ZMYND8: variants seen among roughly 807,000 people sequenced by gnomAD.
ZMYND8 encodes MYND-type zinc finger-containing chromatin reader ZMYND8.
A neutral mutation model predicts 140.8 loss-of-function variants in ZMYND8; 37 were observed. The observed-to-expected ratio is 0.26, with a 90% CI of 0.20 to 0.35. ZMYND8 has a LOEUF of 0.35. Ranked by LOEUF, ZMYND8 falls within the 10% of genes least tolerant of loss-of-function variation. ZMYND8 has a pLI of 1.00. For missense variants in ZMYND8, 1,068 were observed against 1,570.0 expected (o/e 0.68, Z 5.40); for synonymous variants, 592 against 597.1 (o/e 0.99, Z 0.12).
intron 1 of ZMYND8, 191 bp downstream of exon 1, chr20:47,356,466 G>GCTA: frequency 6.4e-7 from 1 of 1,564,006 alleles, no homozygotes; most frequent in Non-Finnish European, 8.6e-7. Context: ...GCAAAATCAA[G>GCTA]CTATGGCTAA....
At chr20:47,264,175 C>T (rs557945854) in intron 11 of ZMYND8, among the ~76,000 whole-genome samples, 32 of 152,272 alleles carry the variant, frequency 2.1e-4, no homozygotes, top group Non-Finnish European at 2.9e-4. Flanking sequence ...TTTCCTCATC[C>T]GGGAATGATA....
intron 2 of ZMYND8, chr20:47,318,488 T>C (rs937518923): frequency 2.9e-6 from 1 of 346,562 alleles, no homozygotes; most frequent in Non-Finnish European, 5.7e-6. Context: ...AGTCCGGAAT[T>C]TCCTCCTGGC....
chr20:47,260,338 C>G (rs528770211), intron 12 of ZMYND8, among the ~76,000 whole-genome samples: 31 of 152,070 alleles, frequency 2.0e-4, no homozygotes, highest in Non-Finnish European at 2.9e-5. Context: ...CACATCCCTC[C>G]TGCGCTGAAC....
At chr20:47,330,558 T>C (rs1426153142) in intron 2 of ZMYND8, among the ~76,000 whole-genome samples, 1 of 152,032 alleles carries the variant, frequency 6.6e-6, no homozygotes, top group Non-Finnish European at 1.5e-5. Context: ...ACAATCTGAC[T>C]TGTGTTTTAG....
At chr20:47,233,140 C>CA (rs2038763316) in intron 16 of ZMYND8, among the ~76,000 whole-genome samples, 1 of 151,262 alleles carries the variant, frequency 6.6e-6, no homozygotes, top group African/African-American at 2.4e-5. Flanking sequence ...CTCCTGACCT[C>CA]AGGCAATCCA....
At chr20:47,273,366 T>C (rs887900847) in intron 11 of ZMYND8, among the ~76,000 whole-genome samples, 19 of 151,994 alleles carry the variant, frequency 1.3e-4, no homozygotes, top group African/African-American at 4.4e-4. Context: ...GCCAACATGG[T>C]GAAACCCTGT....
At chr20:47,300,884 T>TTGTGTGTGTG (rs200833449) in intron 3 of ZMYND8, among the ~76,000 whole-genome samples, 45 of 130,362 alleles carry the variant, frequency 3.5e-4, no homozygotes, top group African/African-American at 8.4e-4. Flanking sequence ...ACAACTAATT[T>TTGTGTGTGTG]TGTGTGTGTG....
Position 47,300,884 on chromosome 20 carries a change from T to TTGTG in ZMYND8, c.235-1941_235-1938dup, listed in dbSNP as rs200833449. Among the ~76,000 whole-genome samples the TTGTG allele has an allele frequency of 6.4e-3, 829 of 130,288 alleles. 9 individuals carry two copies. The highest frequency in any genetic ancestry group is 0.011 in the Middle Eastern group (3 of 276). The allele number at this position is 130,288 out of a possible 152,430, so 85.5% of individuals were successfully genotyped here. A position where few individuals can be genotyped will look rare whatever the true frequency, so the allele number is the denominator to read the frequency against. ...TGAGCGCCACCATGCACAACTAATT[T>TTGTG]TGTGTGTGTGTGTGTGTGTGTGTGT... is the stretch of plus-strand genomic sequence containing the variant. On this transcript the variant is annotated intron_variant, in intron 3 of 22. Transcript: ENST00000471951.
rs1352442502 is a variant in ZMYND8, at chr20:47,209,791, A to C, written c.*970T>G. On this transcript the variant is annotated 3_prime_UTR_variant, in exon 23 of 23. Coordinates refer to ENST00000471951, the MANE Select transcript of ZMYND8 (RefSeq NM_001281775.3). ...CTCATACTGCCTGTGTTTCATGCTT[A>C]CATAAAAACGTGAAATTCCATCATA... 6.6e-6 allele frequency: 1 copy of C among 152,658 alleles called. No individual in the cohort carries two copies. Among genetic ancestry groups the C allele is most frequent in the Non-Finnish European group, 1.5e-5 (1 of 68,042 alleles). 9.5% of individuals were successfully genotyped at this position (152,658 alleles called of 1,614,324 possible). A position where few individuals can be genotyped will look rare whatever the true frequency, so the allele number is the denominator to read the frequency against.
chr20:47,310,051 T>C lies in ZMYND8; in HGVS notation c.234+5A>G, dbSNP rs751654922. ...TGAGGACACCGTTCCCAGCGGCTGC[T>C]TTACCTGCTCCTTATTGTTACTGTT... On this transcript the variant is annotated splice_donor_5th_base_variant and intron_variant, in intron 3 of 22. Coordinates refer to ENST00000471951, the MANE Select transcript of ZMYND8 (RefSeq NM_001281775.3). 3.7e-6 allele frequency: 6 copies of C among 1,614,096 alleles called. No homozygotes were observed. In the Admixed American group the frequency reaches 6.7e-5, roughly 18 times the overall value.
At chr20:47,264,379 C>T (rs527428245) in intron 11 of ZMYND8, among the ~76,000 whole-genome samples, 274 of 152,258 alleles carry the variant, frequency 1.8e-3, no homozygotes, top group African/African-American at 4.9e-3. Flanking sequence ...TGGATTCAAG[C>T]GATTCTCCTG....
intron 2 of ZMYND8, among the ~76,000 whole-genome samples, chr20:47,333,173 C>T (rs950819118): frequency 6.6e-6 from 1 of 151,792 alleles, no homozygotes; most frequent in Non-Finnish European, 1.5e-5. Context: ...ACAGTGAGAC[C>T]CCTGGGTCTA....
rs748515098 is a variant in ZMYND8 at position 47,238,552 on chromosome 20, C to CA, written c.2665+205dup. 93 of 909,844 alleles carry CA rather than the reference C, an allele frequency of 1.0e-4. 1 individual carries two copies. Among genetic ancestry groups the CA allele is most frequent in the Middle Eastern group, 6.6e-4 (3 of 4,538 alleles). The allele number at this position is 909,844 out of a possible 1,614,324, so 56.4% of individuals were successfully genotyped here. On this transcript the variant is annotated intron_variant, in intron 15 of 22. Coordinates refer to ENST00000471951, the MANE Select transcript of ZMYND8 (RefSeq NM_001281775.3). ...ATGCATGTATCATTTATAAAATGAA[C>CA]AAAAAAAACTTTTTGAAAGTAAAAA... is the stretch of plus-strand genomic sequence containing the variant.
chr20:47,215,381 A>C (rs112571556), intron 21 of ZMYND8, among the ~76,000 whole-genome samples: 125 of 149,364 alleles, frequency 8.4e-4, no homozygotes, highest in Non-Finnish European at 1.1e-3. Flanking sequence ...TCAAATACTA[A>C]TAATAATAAT....
chr20:47,264,706 T>C (rs1286206663), intron 11 of ZMYND8, among the ~76,000 whole-genome samples: 2 of 152,222 alleles, frequency 1.3e-5, no homozygotes, highest in African/African-American at 4.8e-5. Flanking sequence ...TCACTGGTAC[T>C]GTAAGACATA....
intron 14 of ZMYND8, among the ~76,000 whole-genome samples, chr20:47,241,020 G>A (rs776518875): frequency 1.5e-4 from 23 of 151,946 alleles, no homozygotes; most frequent in Non-Finnish European, 3.1e-4. Flanking sequence ...TCTTGGCCGG[G>A]TGCAGTGGCT....
intron 2 of ZMYND8, among the ~76,000 whole-genome samples, chr20:47,328,774 C>A (rs936861472): frequency 1.1e-4 from 16 of 152,164 alleles, no homozygotes; most frequent in African/African-American, 3.9e-4. Context: ...GTTTCCAGTT[C>A]TTGGAAGAGA....
intron 1 of ZMYND8, chr20:47,348,405 A>G (rs2082505719): frequency 5.8e-6 from 1 of 173,506 alleles, no homozygotes; most frequent in Non-Finnish European, 1.2e-5. Flanking sequence ...AGGCAGGAAC[A>G]TGGGAAAAAA....
intron 16 of ZMYND8, among the ~76,000 whole-genome samples, chr20:47,231,693 G>C (rs1360526628): frequency 1.3e-5 from 2 of 152,234 alleles, no homozygotes; most frequent in Non-Finnish European, 1.5e-5. Context: ...CCAGGCCGTT[G>C]CCAGCAAAAA....
Sources: allele counts gnomAD v4.1 joint callset (sites outside exome capture counted in the v4.1 genomes callset), GRCh38; gene constraint gnomAD v4.1.1; transcripts MANE v1.5; gene names NCBI Gene and HGNC (gene_info 2026-07-23, HGNC 2026-07-21).